Variants in AP3S1 observed in about 807,000 individuals in gnomAD.
AP3S1 encodes AP-3 complex subunit sigma-1.
In AP3S1, 12 loss-of-function variants were observed where a neutral mutation model predicts 21.3. That is an observed-to-expected ratio of 0.56 (90% CI 0.36 to 0.91). The LOEUF is 0.91. Among genes scored for constraint, AP3S1 ranks in the 40% least tolerant of loss-of-function variants. The pLI, the probability that AP3S1 is intolerant of heterozygous loss-of-function variation, is 0.01. For synonymous variants in AP3S1, 48 were observed against 78.4 expected (o/e 0.61, Z 2.05); for missense variants, 116 against 225.0 (o/e 0.52, Z 3.10).
At chr5:115,892,582 T>A (rs1473789185) in intron 3 of AP3S1, among the ~76,000 whole-genome samples, 2 of 152,182 alleles carry the variant, frequency 1.3e-5, no homozygotes, top group Admixed American at 1.3e-4. Context: ...ATGTTCTCCT[T>A]ACTTTTAGGA....
intron 3 of AP3S1, among the ~76,000 whole-genome samples, chr5:115,873,902 T>C (rs1461174399): frequency 2.0e-5 from 3 of 152,122 alleles, no homozygotes; most frequent in African/African-American, 7.2e-5. Flanking sequence ...TGCTTATAAT[T>C]TTGATATTTT....
intron 1 of AP3S1, among the ~76,000 whole-genome samples, chr5:115,854,982 A>T (rs1762695448): frequency 6.6e-6 from 1 of 151,380 alleles, no homozygotes; most frequent in African/African-American, 2.4e-5. Flanking sequence ...CTATATATGT[A>T]TGCTTATATA....
At chr5:115,842,134 G>C in intron 1 of AP3S1, 28 bp downstream of exon 1, 1 of 1,518,338 alleles carries the variant, frequency 6.6e-7, no homozygotes, top group East Asian at 2.7e-5. Context: ...GCTGATCCGG[G>C]CGAGGGGGAG....
intron 1 of AP3S1, among the ~76,000 whole-genome samples, chr5:115,851,230 C>T (rs890831812): frequency 1.3e-5 from 2 of 152,126 alleles, no homozygotes; most frequent in Admixed American, 6.6e-5. Context: ...ATCCGTTTGT[C>T]AGTGGAAACT....
At chr5:115,857,919 G>T (rs1413743719) in intron 1 of AP3S1, among the ~76,000 whole-genome samples, 1 of 152,052 alleles carries the variant, frequency 6.6e-6, no homozygotes, top group African/African-American at 2.4e-5. Context: ...TTCTTCAAAG[G>T]TTGTAATTAC....
chr5:115,881,872 A>C (rs990225902), intron 3 of AP3S1, among the ~76,000 whole-genome samples: 2 of 152,016 alleles, frequency 1.3e-5, no homozygotes, highest in African/African-American at 4.8e-5. Context: ...ATGTAGTGTC[A>C]TATTTCTTGG....
chr5:115,887,207 G>T lies in AP3S1; in HGVS notation c.274-7880G>T, dbSNP rs551203746. On this transcript the variant is annotated intron_variant, in intron 3 of 5. Transcript: ENST00000316788. ...TCAATATTTGTAATGGTATTTTTTA[G>T]TTATTGGTTTGAGTTAAACCAAGAT... Among the ~76,000 whole-genome samples the T allele has an allele frequency of 3.3e-5, 5 of 152,166 alleles. No homozygotes were observed. In the East Asian group the frequency reaches 7.7e-4, roughly 24 times the overall value.
intron 1 of AP3S1, among the ~76,000 whole-genome samples, chr5:115,849,775 T>A (rs1038315225): frequency 6.6e-6 from 1 of 151,996 alleles, no homozygotes; most frequent in Non-Finnish European, 1.5e-5. Flanking sequence ...AGTCAGTGCA[T>A]CAAAACCAGG....
intron 3 of AP3S1, among the ~76,000 whole-genome samples, chr5:115,874,212 T>TA (rs1245641501): frequency 1.3e-5 from 2 of 152,134 alleles, no homozygotes; most frequent in Non-Finnish European, 2.9e-5. Context: ...GACTTTTTTT[T>TA]ATTGATATAT....
chr5:115,892,321 A>G (rs1750378462), intron 3 of AP3S1, among the ~76,000 whole-genome samples: 1 of 152,234 alleles, frequency 6.6e-6, no homozygotes, highest in African/African-American at 2.4e-5. Flanking sequence ...TATTCAAAAG[A>G]AAAGAAATCA....
At chr5:115,898,811 T>G (rs1750974784) in intron 4 of AP3S1, 1 of 152,244 alleles carries the variant, frequency 6.6e-6, no homozygotes, top group South Asian at 2.1e-4. Flanking sequence ...TTATTACCCC[T>G]AAAATCCTAA....
At chr5:115,883,089 T>C (rs1749453215) in intron 3 of AP3S1, among the ~76,000 whole-genome samples, 1 of 152,216 alleles carries the variant, frequency 6.6e-6, no homozygotes, top group South Asian at 2.1e-4. Flanking sequence ...TTCAGACTGC[T>C]GTGCTGGCAG....
chr5:115,856,792 C>G (rs549854700), intron 1 of AP3S1, among the ~76,000 whole-genome samples: 36 of 152,220 alleles, frequency 2.4e-4, no homozygotes, highest in African/African-American at 8.7e-4. Flanking sequence ...ATAATCTCAC[C>G]AACTTATTAT....
chr5:115,886,336 G>A (rs924472457), intron 3 of AP3S1, among the ~76,000 whole-genome samples: 9 of 151,830 alleles, frequency 5.9e-5, no homozygotes, highest in Admixed American at 1.3e-4. Context: ...TGCCTCTCGT[G>A]CCTCCCATTC....
intron 1 of AP3S1, among the ~76,000 whole-genome samples, chr5:115,854,590 A>C (rs1038602974): frequency 1.3e-5 from 2 of 152,026 alleles, no homozygotes; most frequent in Admixed American, 1.3e-4. Flanking sequence ...GGCAGAAAAC[A>C]CACTAACTGA....
intron 3 of AP3S1, among the ~76,000 whole-genome samples, chr5:115,872,139 A>G (rs771422642): frequency 5.3e-5 from 8 of 152,072 alleles, no homozygotes; most frequent in South Asian, 2.1e-4. Context: ...CCCCATCTCT[A>G]CAAAAATTAG....
intron 3 of AP3S1, 62 bp from the exon 4 acceptor site, chr5:115,895,025 T>G: frequency 8.7e-7 from 1 of 1,147,076 alleles, no homozygotes; most frequent in Non-Finnish European, 1.3e-6. Context: ...ATTGCCTTCC[T>G]TATAGATAAT....
intron 1 of AP3S1, among the ~76,000 whole-genome samples, chr5:115,847,953 A>T (rs1218558192): frequency 6.6e-6 from 1 of 152,186 alleles, no homozygotes; most frequent in Non-Finnish European, 1.5e-5. Flanking sequence ...CACAGTTTTT[A>T]TGTGGAGTAT....
chr5:115,896,487 T>G (rs1344425024), intron 4 of AP3S1, among the ~76,000 whole-genome samples: 1 of 152,198 alleles, frequency 6.6e-6, no homozygotes, highest in African/African-American at 2.4e-5. Context: ...TATTCAAAAT[T>G]ATGTTTGAAG....
Sources: gnomAD v4.1 joint callset for allele counts (sites outside exome capture counted in the v4.1 genomes callset) on GRCh38, gnomAD v4.1.1 for gene constraint, MANE v1.5 for transcripts, NCBI Gene and HGNC (gene_info 2026-07-23, HGNC 2026-07-21) for gene names.